FTO: variants seen among roughly 807,000 people sequenced by gnomAD.
The protein encoded by FTO is alpha-ketoglutarate-dependent dioxygenase FTO.
Under a neutral mutation model 63.9 loss-of-function variants are expected in FTO, and 47 were observed. The observed-to-expected ratio is 0.74, with a 90% CI of 0.58 to 0.94. The LOEUF is 0.94. Ranked by LOEUF, FTO falls within the 40% of genes least tolerant of loss-of-function variation. FTO has a pLI of 0.00. For synonymous variants in FTO, 207 were observed against 224.4 expected, an observed-to-expected ratio of 0.92 and a Z score of 0.69; for missense variants, 562 against 618.1, an observed-to-expected ratio of 0.91 and a Z score of 0.96.
intron 8 of FTO, among the ~76,000 whole-genome samples, chr16:53,982,275 C>T (rs1163302916): frequency 2.0e-5 from 3 of 152,124 alleles, no homozygotes; most frequent in African/African-American, 7.2e-5. Flanking sequence ...TGGTATACCT[C>T]CAATACACCT....
intron 1 of FTO, among the ~76,000 whole-genome samples, chr16:53,722,172 CG>C (rs2076055426): frequency 6.6e-6 from 1 of 152,060 alleles, no homozygotes; most frequent in Admixed American, 6.5e-5. Flanking sequence ...ATGATACTAA[CG>C]GTAAGTTTGT....
Position 54,111,780 on chromosome 16 carries a change from C to A in FTO, c.1383C>A (p.Ala461=). 1 of 1,614,064 alleles carries A rather than the reference C, an allele frequency of 6.2e-7. No individual in the cohort carries two copies. The highest frequency in any genetic ancestry group is 8.5e-7 in the Non-Finnish European group (1 of 1,180,012). ...CTTCCAGGTGCCAGTCACGAATTGC[C>A]CGAACATTACCTGCTGATCAGAAGC... The part of the protein sequence containing the change: ...EWHARCQSRI[A]RTLPADQKPE... The change falls in exon 9 of 9, where the codon GCC becomes GCA. Residue 461 remains alanine (A), a synonymous_variant. Transcript: ENST00000471389.
intron 7 of FTO, among the ~76,000 whole-genome samples, chr16:53,907,750 C>T (rs1288151444): frequency 6.6e-6 from 1 of 152,152 alleles, no homozygotes; most frequent in East Asian, 1.9e-4. Flanking sequence ...GGCCTTTGCA[C>T]ACGTCATTTG....
chr16:53,911,220 G>A (rs748919617), intron 7 of FTO: 1 of 603,976 alleles, frequency 1.7e-6, no homozygotes, highest in Non-Finnish European at 3.0e-6. Flanking sequence ...CACAGAGACA[G>A]TGGCTGAGCG....
intron 5 of FTO, among the ~76,000 whole-genome samples, chr16:53,877,358 G>A (rs1176631145): frequency 6.6e-6 from 1 of 152,180 alleles, no homozygotes; most frequent in Non-Finnish European, 1.5e-5. Context: ...ATATTATTGG[G>A]CATTGAAATG....
intron 8 of FTO, among the ~76,000 whole-genome samples, chr16:54,054,229 C>T (rs2085377760): frequency 6.6e-6 from 1 of 152,174 alleles, no homozygotes; most frequent in Admixed American, 6.5e-5. Context: ...CTTCCATGAA[C>T]TGCTAGCATT....
At chr16:53,843,593 C>T (rs1375837755) in intron 3 of FTO, among the ~76,000 whole-genome samples, 1 of 152,066 alleles carries the variant, frequency 6.6e-6, no homozygotes, top group African/African-American at 2.4e-5. Flanking sequence ...TTTAGAAAAA[C>T]ATTCCTTGGC....
intron 6 of FTO, 84 bp downstream of exon 6, chr16:53,880,071 T>C (rs1406347874): frequency 3.0e-6 from 3 of 984,936 alleles, no homozygotes; most frequent in Admixed American, 2.0e-5. Context: ...CTCGGCTCAC[T>C]ACAACCTCCA....
intron 1 of FTO, among the ~76,000 whole-genome samples, chr16:53,766,749 C>G (rs2077214276): frequency 6.6e-6 from 1 of 152,158 alleles, no homozygotes; most frequent in Non-Finnish European, 1.5e-5. Context: ...CCTTAGAACT[C>G]TTCTTTTCAT....
At chr16:53,784,906 A>G (rs1044579697) in intron 1 of FTO, among the ~76,000 whole-genome samples, 6 of 152,080 alleles carry the variant, frequency 3.9e-5, no homozygotes, top group Admixed American at 3.9e-4. Flanking sequence ...GTGGGAGTGC[A>G]GAGTGGGGGA....
chr16:53,955,030 A>G (rs1232851469), intron 8 of FTO, among the ~76,000 whole-genome samples: 1 of 152,142 alleles, frequency 6.6e-6, no homozygotes, highest in East Asian at 1.9e-4. Context: ...TTAGACCAGT[A>G]AGAAAGTTTC....
intron 1 of FTO, among the ~76,000 whole-genome samples, chr16:53,734,292 T>C (rs1407604074): frequency 6.6e-6 from 1 of 152,252 alleles, no homozygotes; most frequent in Non-Finnish European, 1.5e-5. Context: ...TTCACTCTTT[T>C]CTTTAAAGGA....
In FTO at chr16:53,813,216, C is replaced by CTTT. The variant is rs72112859; in HGVS notation, c.123+3010_123+3012dup. 2.8e-5 allele frequency among the ~76,000 whole-genome samples: 4 copies of CTTT among 145,030 alleles called. No individual in the cohort carries two copies. In the East Asian group the frequency reaches 8.0e-4, roughly 29 times the overall value. ...AAGTGCACCTTGCTGTTTTTCTTTT[C>CTTT]TTTTTTTTTTTTTGAGACAGCATCT... On this transcript the variant is annotated intron_variant, in intron 2 of 8. Coordinates refer to ENST00000471389, the MANE Select transcript of FTO (RefSeq NM_001080432.3).
intron 8 of FTO, among the ~76,000 whole-genome samples, chr16:53,937,011 C>A (rs958939555): frequency 2.4e-4 from 37 of 152,178 alleles, no homozygotes; most frequent in African/African-American, 8.7e-4. Flanking sequence ...GGCGCCAAGC[C>A]ATTGTTTGGG....
intron 4 of FTO, among the ~76,000 whole-genome samples, chr16:53,869,600 A>G (rs1460394233): frequency 7.4e-6 from 1 of 134,878 alleles, no homozygotes; most frequent in East Asian, 2.1e-4. Flanking sequence ...AGTTTCTCTT[A>G]ATATATCCTC....
At chr16:53,918,600 A>G (rs1468920683) in intron 7 of FTO, among the ~76,000 whole-genome samples, 2 of 152,212 alleles carry the variant, frequency 1.3e-5, no homozygotes, top group African/African-American at 2.4e-5. Context: ...TAACTATTTT[A>G]TAAATCAAAA....
chr16:54,081,268 A>C (rs573802510), intron 8 of FTO, among the ~76,000 whole-genome samples: 2 of 152,160 alleles, frequency 1.3e-5, no homozygotes, highest in African/African-American at 4.8e-5. Context: ...TTACAGCCCT[A>C]CCCCCTTTCC....
At chr16:53,899,306 A>AG (rs2081347187) in intron 7 of FTO, among the ~76,000 whole-genome samples, 1 of 152,060 alleles carries the variant, frequency 6.6e-6, no homozygotes, top group African/African-American at 2.4e-5. Flanking sequence ...AGTTAGAATC[A>AG]TAGTGTTTTG....
intron 8 of FTO, among the ~76,000 whole-genome samples, chr16:54,048,450 C>T (rs1021940249): frequency 6.6e-6 from 1 of 151,984 alleles, no homozygotes; most frequent in Non-Finnish European, 1.5e-5. Flanking sequence ...ATTCCACCAA[C>T]GCTGTGCAAG....
Sources: allele counts gnomAD v4.1 joint callset (sites outside exome capture counted in the v4.1 genomes callset), GRCh38; gene constraint gnomAD v4.1.1; transcripts MANE v1.5; gene names NCBI Gene and HGNC (gene_info 2026-07-23, HGNC 2026-07-21).